Variants in SGSM1 observed in about 807,000 individuals in gnomAD.
SGSM1 encodes small G protein signaling modulator 1, also known as RUN and TBC1 domain containing 2.
In SGSM1, 73 loss-of-function variants were observed where a neutral mutation model predicts 133.8. The ratio of observed to expected loss-of-function variants is 0.55; its 90% confidence interval spans 0.45 to 0.66. The LOEUF (loss-of-function observed/expected upper bound fraction) is 0.66, where lower values mean the gene tolerates loss of function less well. Among genes scored for constraint, SGSM1 ranks in the 30% least tolerant of loss-of-function variants. The pLI is 0.00. For missense variants in SGSM1, 1,213 were observed against 1,448.1 expected (o/e 0.84, Z 2.64); for synonymous variants, 563 against 573.0 (o/e 0.98, Z 0.25).
At chr22:24,816,703 T>G (rs1247278630) in intron 2 of SGSM1, among the ~76,000 whole-genome samples, 3 of 152,182 alleles carry the variant, frequency 2.0e-5, no homozygotes, top group African/African-American at 7.2e-5. Context: ...TTTAAGTGTT[T>G]GGGAAGTTCA....
intron 14 of SGSM1, among the ~76,000 whole-genome samples, chr22:24,881,245 G>A (rs1460804764): frequency 7.1e-6 from 1 of 141,016 alleles, no homozygotes; most frequent in Non-Finnish European, 1.5e-5. Context: ...AATTCCTAGG[G>A]TTGTGGGGAG....
intron 2 of SGSM1, among the ~76,000 whole-genome samples, chr22:24,808,008 G>C (rs1025766661): frequency 6.6e-6 from 1 of 151,990 alleles, no homozygotes; most frequent in Non-Finnish European, 1.5e-5. Flanking sequence ...AAATACATTG[G>C]ATCCCTCAGA....
At chr22:24,915,624 A>G (rs8139396) in intron 22 of SGSM1, among the ~76,000 whole-genome samples, 10,954 of 152,220 alleles carry the variant, frequency 0.072, 1,023 homozygotes, top group African/African-American at 0.21. Flanking sequence ...CAGGCATGCA[A>G]TGTGAAATAA....
In SGSM1 at chr22:24,926,852, T is replaced by G. The variant is rs995470283; in HGVS notation, c.*2578T>G. The G allele has an allele frequency of 1.5e-4, 7 of 47,810 alleles. No individual in the cohort carries two copies. Among genetic ancestry groups the G allele is most frequent in the East Asian group, 2.4e-3 (1 of 416 alleles). The allele number at this position is 47,810 out of a possible 1,614,324, so 3.0% of individuals were successfully genotyped here. A position where few individuals can be genotyped will look rare whatever the true frequency, so the allele number is the denominator to read the frequency against. On this transcript the variant is annotated 3_prime_UTR_variant, in exon 25 of 25. Coordinates refer to ENST00000400358, the MANE Select transcript of SGSM1 (RefSeq NM_001098497.3). ...TAAACAGAGAAATATGTGAATCTGT[T>G]TTTTTTTGTCTTTTTTTTTTTAATT...
Position 24,921,289 on chromosome 22 carries a change from A to G in SGSM1, c.3193+1296A>G, listed in dbSNP as rs558914660. Among the ~76,000 whole-genome samples, 4 of 152,168 alleles carry G rather than the reference A, an allele frequency of 2.6e-5. No individual in the cohort carries two copies. In the South Asian group the frequency reaches 6.2e-4, roughly 24 times the overall value. ...TAATTTTTATATTTTTAGTAGAGACAGAGTTTTGCCATGTTGGCCAGGCTA... is the reference window on the plus strand; with the variant it reads ...TAATTTTTATATTTTTAGTAGAGACGGAGTTTTGCCATGTTGGCCAGGCTA... On this transcript the variant is annotated intron_variant, in intron 24 of 24. Coordinates refer to ENST00000400358, the MANE Select transcript of SGSM1 (RefSeq NM_001098497.3).
chr22:24,844,775 C>A, intron 2 of SGSM1, 122 bp from the exon 3 acceptor site: 1 of 766,674 alleles, frequency 1.3e-6, no homozygotes, highest in Non-Finnish European at 2.1e-6. Flanking sequence ...AAGCAGGTGT[C>A]AAAACATCCC....
chr22:24,846,641 A>G (rs948851260), intron 3 of SGSM1, among the ~76,000 whole-genome samples: 3 of 152,146 alleles, frequency 2.0e-5, no homozygotes, highest in Admixed American at 6.6e-5. Flanking sequence ...TCTTTTGTCC[A>G]TTGTTTCTTA....
At position 24,871,204 on chromosome 22, in the gene SGSM1, G is replaced by A. The variant is rs141799082; in HGVS notation, c.1291+2349G>A. Among the ~76,000 whole-genome samples, 1,407 of 152,274 alleles carry A rather than the reference G, an allele frequency of 9.2e-3. 9 individuals carry two copies. Among genetic ancestry groups the A allele is most frequent in the Non-Finnish European group, 0.014 (969 of 68,034 alleles). The stretch of plus-strand genomic sequence containing the variant: ...GATATGTCTCTAGACATTGCCAGGT[G>A]TCCTCTGGAGGGTGGCAAAATTGCC... On this transcript the variant is annotated intron_variant, in intron 12 of 24. Coordinates refer to ENST00000400358, the MANE Select transcript of SGSM1 (RefSeq NM_001098497.3).
chr22:24,892,903 A>C (rs1932838999), intron 16 of SGSM1, among the ~76,000 whole-genome samples: 1 of 149,932 alleles, frequency 6.7e-6, no homozygotes, highest in Non-Finnish European at 1.5e-5. Context: ...AAAAAAAAAA[A>C]TACAAAAATT....
At chr22:24,891,212 T>C (rs1237195760) in intron 16 of SGSM1, among the ~76,000 whole-genome samples, 1 of 152,140 alleles carries the variant, frequency 6.6e-6, no homozygotes, top group African/African-American at 2.4e-5. Flanking sequence ...ATTTAAAAAC[T>C]AGCTGGGCAT....
intron 5 of SGSM1, among the ~76,000 whole-genome samples, chr22:24,851,455 AG>A (rs2147846773): frequency 2.6e-5 from 3 of 115,000 alleles, no homozygotes; most frequent in African/African-American, 6.4e-5. Context: ...GGGGGGAGAG[AG>A]AGAGAGAGAG....
In SGSM1 at chr22:24,886,649, AG is replaced by A; in HGVS notation, c.1692del (p.Gln564HisfsTer20). On this transcript the variant is annotated frameshift_variant, in exon 16 of 25. Coordinates refer to ENST00000400358, the MANE Select transcript of SGSM1 (RefSeq NM_001098497.3). LOFTEE classifies it high-confidence loss of function. The part of the protein sequence containing the change: ...LLRLIYYGGI[Q>X]PEIRKAVWPF... The stretch of plus-strand genomic sequence containing the variant: ...CGCCTCATCTACTACGGGGGCATCC[AG>A]CCTGAGATCCGCAAGGCCGTGTGGC... 6.4e-7 allele frequency: 1 copy of A among 1,558,886 alleles called. No homozygotes were observed. The highest frequency in any genetic ancestry group is 8.7e-7 in the Non-Finnish European group (1 of 1,151,418).
Position 24,844,842 on chromosome 22 carries a change from C to T in SGSM1, c.64-55C>T, listed in dbSNP as rs1787112216. On this transcript the variant is annotated intron_variant, in intron 2 of 24. Coordinates refer to ENST00000400358, the MANE Select transcript of SGSM1 (RefSeq NM_001098497.3). Reference sequence around the variant, plus strand: ...GCAGCCCTTTTGGGGCACCTATACCCAGGTCACCTTGGTCACCTTGGACCT... The same window carrying T: ...GCAGCCCTTTTGGGGCACCTATACCTAGGTCACCTTGGTCACCTTGGACCT... The T allele has an allele frequency of 5.7e-6, 9 of 1,567,040 alleles. No individual in the cohort carries two copies. The Admixed American group carries it at 1.0e-4, about 18-fold the overall frequency.
intron 24 of SGSM1, among the ~76,000 whole-genome samples, chr22:24,920,980 T>C (rs1364047988): frequency 6.6e-6 from 1 of 152,242 alleles, no homozygotes; most frequent in Non-Finnish European, 1.5e-5. Context: ...TAGTATCCTT[T>C]TTCTGTTCTA....
chr22:24,840,807 C>G (rs528444448), intron 2 of SGSM1, among the ~76,000 whole-genome samples: 3 of 152,100 alleles, frequency 2.0e-5, no homozygotes, highest in Non-Finnish European at 2.9e-5. Flanking sequence ...TATAGCAGCC[C>G]ATATTGTGTT....
intron 2 of SGSM1, among the ~76,000 whole-genome samples, chr22:24,823,780 C>T (rs183153383): frequency 1.1e-3 from 172 of 150,352 alleles, no homozygotes; most frequent in African/African-American, 3.9e-3. Context: ...CAAGGTGGTG[C>T]GTACCTATAG....
At chr22:24,807,528 T>A (rs1927477055) in intron 2 of SGSM1, among the ~76,000 whole-genome samples, 1 of 151,888 alleles carries the variant, frequency 6.6e-6, no homozygotes, top group Non-Finnish European at 1.5e-5. Flanking sequence ...CATGAATAAC[T>A]AGGGCTGTGA....
rs1602008630 is a variant in SGSM1, at chr22:24,926,236, C to T, written c.*1962C>T. 2 of 152,216 alleles carry T rather than the reference C, an allele frequency of 1.3e-5. No homozygotes were observed. The highest frequency in any genetic ancestry group is 2.4e-5 in the African/African-American group (1 of 41,440). 9.4% of individuals were successfully genotyped at this position (152,216 alleles called of 1,614,324 possible). A position where few individuals can be genotyped will look rare whatever the true frequency, so the allele number is the denominator to read the frequency against. Reference sequence around the variant, plus strand: ...CCTGAACCTCCAACCTCTGCCCAGCCTCTGGTGCAGGGTGGATAGAGGTCT... The same window carrying T: ...CCTGAACCTCCAACCTCTGCCCAGCTTCTGGTGCAGGGTGGATAGAGGTCT... On this transcript the variant is annotated 3_prime_UTR_variant, in exon 25 of 25. Coordinates refer to ENST00000400358, the MANE Select transcript of SGSM1 (RefSeq NM_001098497.3).
intron 21 of SGSM1, among the ~76,000 whole-genome samples, chr22:24,907,754 T>C (rs531752847): frequency 6.6e-6 from 1 of 151,340 alleles, no homozygotes; most frequent in African/African-American, 2.4e-5. Context: ...CTACTAAAAA[T>C]GCAAAAAATT....
Sources: allele counts gnomAD v4.1 joint callset (sites outside exome capture counted in the v4.1 genomes callset), GRCh38; gene constraint gnomAD v4.1.1; transcripts MANE v1.5; gene names NCBI Gene and HGNC (gene_info 2026-07-23, HGNC 2026-07-21).